BCR: variants seen among roughly 807,000 people sequenced by gnomAD.
BCR encodes breakpoint cluster region protein.
A neutral mutation model predicts 138.6 loss-of-function variants in BCR; 58 were observed. The observed-to-expected ratio is 0.42, with a 90% confidence interval of 0.34 to 0.52. The LOEUF is 0.52. Among genes scored for constraint, BCR ranks in the 20% least tolerant of loss-of-function variants. BCR has a pLI of 0.06. For synonymous variants in BCR, 786 were observed against 730.1 expected (o/e 1.08, Z -1.23); for missense variants, 1,599 against 1,727.2 (o/e 0.93, Z 1.32).
At chr22:23,258,010 A>T (rs1408481808) in intron 2 of BCR, among the ~76,000 whole-genome samples, 1 of 152,086 alleles carries the variant, frequency 6.6e-6, no homozygotes, top group East Asian at 1.9e-4. Context: ...CGTGGCCTGG[A>T]GGCTCCCACC....
chr22:23,213,602 T>A (rs1461072168), intron 1 of BCR, among the ~76,000 whole-genome samples: 1 of 152,102 alleles, frequency 6.6e-6, no homozygotes, highest in African/African-American at 2.4e-5. Context: ...GTGGGAAGAT[T>A]GCTTGAAGCC....
Position 23,253,911 on chromosome 22 carries a change from C to T in BCR, c.1392C>T (p.Pro464=). The part of the protein sequence containing the change: ...PYIDDSPSSS[P]HLSSKGRGSR... Reference sequence around the variant, plus strand: ...TTGATGACTCGCCCTCCTCATCGCCCCACCTCAGCAGCAAGGGCAGGGGCA... The same window carrying T: ...TTGATGACTCGCCCTCCTCATCGCCTCACCTCAGCAGCAAGGGCAGGGGCA... The change falls in exon 2 of 23, where the codon CCC becomes CCT. Residue 464 remains proline, a synonymous_variant. Coordinates refer to ENST00000305877, the MANE Select transcript of BCR (RefSeq NM_004327.4). 1.9e-6 allele frequency: 3 copies of T among 1,613,166 alleles called. No individual in the cohort carries two copies. The highest frequency in any genetic ancestry group is 1.7e-6 in the Non-Finnish European group (2 of 1,179,950).
chr22:23,254,433 T>C (rs1025370691), intron 2 of BCR: 1 of 514,112 alleles, frequency 1.9e-6, no homozygotes, highest in Non-Finnish European at 3.9e-6. Context: ...TAATAATTCT[T>C]GGCCTTTCTG....
intron 1 of BCR, chr22:23,251,372 C>A (rs1489346115): frequency 6.6e-6 from 1 of 151,346 alleles, no homozygotes; most frequent in Non-Finnish European, 1.5e-5. Flanking sequence ...CCGGTGAAAT[C>A]GTTTTCAAAG....
chr22:23,188,882 T>G (rs561644138), intron 1 of BCR, among the ~76,000 whole-genome samples: 1 of 152,234 alleles, frequency 6.6e-6, no homozygotes, highest in Non-Finnish European at 1.5e-5. Context: ...TTTTTATTTT[T>G]TCAAGACGGG....
intron 1 of BCR, chr22:23,242,831 A>C (rs1204247674): frequency 2.2e-6 from 1 of 455,300 alleles, no homozygotes; most frequent in Admixed American, 2.4e-5. Context: ...TGAAGACTGA[A>C]GTCCCACATC....
chr22:23,185,932 T>G (rs1036786160), intron 1 of BCR, among the ~76,000 whole-genome samples: 3 of 152,026 alleles, frequency 2.0e-5, no homozygotes, highest in Non-Finnish European at 4.4e-5. Context: ...GGTTTCACTG[T>G]GTTAGCCAGT....
At position 23,315,623 on chromosome 22, in the gene BCR, AC is replaced by A; in HGVS notation, c.*106del. The A allele has an allele frequency of 2.7e-6, 3 of 1,125,432 alleles. No individual in the cohort carries two copies. Among genetic ancestry groups the A allele is most frequent in the Non-Finnish European group, 4.0e-6 (3 of 753,790 alleles). 69.7% of individuals were successfully genotyped at this position (1,125,432 alleles called of 1,614,324 possible). The stretch of plus-strand genomic sequence containing the variant: ...AACCTTCCTGAGGTGTCCTTGGGCC[AC>A]CCCCAAGTGTTGGGCCATCTGCCAA... On this transcript the variant is annotated 3_prime_UTR_variant, in exon 23 of 23. Coordinates refer to ENST00000305877, the MANE Select transcript of BCR (RefSeq NM_004327.4).
intron 1 of BCR, among the ~76,000 whole-genome samples, chr22:23,213,721 T>C (rs1383912067): frequency 6.6e-6 from 1 of 151,934 alleles, no homozygotes; most frequent in Non-Finnish European, 1.5e-5. Context: ...TCCTAGCTAC[T>C]CAGGAGGCTG....
intron 1 of BCR, among the ~76,000 whole-genome samples, chr22:23,193,429 TAG>T (rs1202537201): frequency 1.3e-5 from 2 of 152,266 alleles, no homozygotes; most frequent in East Asian, 1.9e-4. Flanking sequence ...TCTGGTCTCA[TAG>T]AGTCTCCTGT....
At chr22:23,274,736 C>CTATG (rs1388963551) in intron 8 of BCR, among the ~76,000 whole-genome samples, 1 of 151,874 alleles carries the variant, frequency 6.6e-6, no homozygotes, top group Admixed American at 6.6e-5. Context: ...GGTGAAACCC[C>CTATG]GTCTCTACTA....
chr22:23,206,598 G>C (rs1168568520), intron 1 of BCR, among the ~76,000 whole-genome samples: 1 of 148,254 alleles, frequency 6.7e-6, no homozygotes, highest in African/African-American at 2.6e-5. Context: ...AAAAAGTTAA[G>C]AAAATAGTCA....
chr22:23,194,402 C>CTTTTTTTTTTTTT (rs374624643), intron 1 of BCR, among the ~76,000 whole-genome samples: 1 of 130,884 alleles, frequency 7.6e-6, no homozygotes. Context: ...TTTTTTTTTT[C>CTTTTTTTTTTTTT]TTTTTTTTTT....
chr22:23,276,797 G>C (rs2073582692), intron 8 of BCR, among the ~76,000 whole-genome samples: 1 of 152,252 alleles, frequency 6.6e-6, no homozygotes, highest in Non-Finnish European at 1.5e-5. Context: ...GATGCAGAAA[G>C]AAAGATGCCA....
rs1569233094 is a variant in BCR, at chr22:23,181,181, G to C, written c.221G>C (p.Arg74Pro). Residue 74 changes from arginine to proline, a missense_variant, in exon 1 of 23, where the codon CGA becomes CCA. Transcript: ENST00000305877. ...AKEKKSYDRQRWGFRRAAQAP... is the reference protein window; with the variant it reads ...AKEKKSYDRQPWGFRRAAQAP... ...GAAAAGAAGAGCTATGACCGGCAGCGATGGGGCTTCCGGCGCGCGGCGCAG... is the reference window on the plus strand; with the variant it reads ...GAAAAGAAGAGCTATGACCGGCAGCCATGGGGCTTCCGGCGCGCGGCGCAG... The C allele has an allele frequency of 1.5e-6, 2 of 1,354,818 alleles. No individual in the cohort carries two copies. The highest frequency in any genetic ancestry group is 1.9e-6 in the Non-Finnish European group (2 of 1,031,964). 83.9% of individuals were successfully genotyped at this position (1,354,818 alleles called of 1,614,324 possible).
chr22:23,243,815 G>C (rs1348051979), intron 1 of BCR, among the ~76,000 whole-genome samples: 1 of 151,936 alleles, frequency 6.6e-6, no homozygotes, highest in Non-Finnish European at 1.5e-5. Context: ...GCTAATTTTT[G>C]TGTTTTTAGT....
At chr22:23,255,576 A>G (rs1223853517) in intron 2 of BCR, among the ~76,000 whole-genome samples, 1 of 152,128 alleles carries the variant, frequency 6.6e-6, no homozygotes, top group Non-Finnish European at 1.5e-5. Context: ...TCTTTCCATC[A>G]TTCTTGAGGG....
At chr22:23,213,511 A>G (rs1812893644) in intron 1 of BCR, among the ~76,000 whole-genome samples, 1 of 152,206 alleles carries the variant, frequency 6.6e-6, no homozygotes, top group Non-Finnish European at 1.5e-5. Flanking sequence ...GCACACCGTG[A>G]GTGGATGTGC....
At chr22:23,186,946 G>A (rs985275680) in intron 1 of BCR, among the ~76,000 whole-genome samples, 15 of 152,210 alleles carry the variant, frequency 9.9e-5, no homozygotes, top group African/African-American at 3.6e-4. Context: ...ATGTTGGCCA[G>A]GCTGGTCTGG....
Sources: allele counts gnomAD v4.1 joint callset (sites outside exome capture counted in the v4.1 genomes callset), GRCh38; gene constraint gnomAD v4.1.1; transcripts MANE v1.5; gene names NCBI Gene and HGNC (gene_info 2026-07-23, HGNC 2026-07-21).